Variants in PRELID2 observed in about 807,000 individuals in gnomAD.
PRELID2 encodes the protein PRELI domain containing 2, also known as PRELI domain-containing protein 2.
A neutral mutation model predicts 28.4 loss-of-function variants in PRELID2; 25 were observed. The ratio of observed to expected loss-of-function variants is 0.88; its 90% confidence interval spans 0.64 to 1.23. The LOEUF (loss-of-function observed/expected upper bound fraction) is 1.23, where lower values mean the gene tolerates loss of function less well. PRELID2 is among the 50% of genes most tolerant of loss of function. The pLI is 0.00. For synonymous variants in PRELID2, 76 were observed against 71.6 expected (o/e 1.06, Z -0.31); for missense variants, 201 against 214.4 (o/e 0.94, Z 0.39).
At chr5:145,621,798 G>T (rs1048057294) in intron 1 of PRELID2, among the ~76,000 whole-genome samples, 3 of 152,052 alleles carry the variant, frequency 2.0e-5, no homozygotes, top group African/African-American at 7.2e-5. Context: ...AATATGGTTA[G>T]CAGGAATTTA....
the PRELID2 span, among the ~76,000 whole-genome samples, chr5:145,299,737 T>C: frequency 2.8e-4 from 43 of 151,914 alleles, no homozygotes; most frequent in African/African-American, 9.7e-4. Flanking sequence ...TTATTGATTA[T>C]CAATAGCCAG....
intron 1 of PRELID2, among the ~76,000 whole-genome samples, chr5:145,659,082 G>A (rs1035612670): frequency 1.3e-5 from 2 of 152,170 alleles, no homozygotes; most frequent in Non-Finnish European, 2.9e-5. Flanking sequence ...GACCTAAGAG[G>A]AGGCTGGAGT....
chr5:145,593,810 T>A (rs1237651231), intron 1 of PRELID2, among the ~76,000 whole-genome samples: 1 of 152,158 alleles, frequency 6.6e-6, no homozygotes, highest in African/African-American at 2.4e-5. Context: ...ACTCATTGAT[T>A]AAGAGAGACT....
At chr5:145,752,444 C>T (rs968408889), downstream of PRELID2, among the ~76,000 whole-genome samples, 2 of 152,146 alleles carry the variant, frequency 1.3e-5, no homozygotes, top group African/African-American at 4.8e-5. Flanking sequence ...TTTTTAAGGT[C>T]TTTATGTCCA....
the PRELID2 span, among the ~76,000 whole-genome samples, chr5:145,378,990 ATTAT>A: frequency 4.6e-5 from 7 of 151,368 alleles, no homozygotes; most frequent in African/African-American, 1.7e-4. Context: ...TGAAGTTTGG[ATTAT>A]TTTTCTTTTT....
At chr5:145,825,664 A>C (rs1755147464) in intron 1 of PRELID2, among the ~76,000 whole-genome samples, 1 of 152,226 alleles carries the variant, frequency 6.6e-6, no homozygotes, top group African/African-American at 2.4e-5. Flanking sequence ...CTATCAGAGA[A>C]ATTCTTAAAC....
the PRELID2 span, among the ~76,000 whole-genome samples, chr5:145,297,827 A>ACCAATTTGGCTCTCTTT: frequency 6.6e-6 from 1 of 152,038 alleles, no homozygotes; most frequent in Non-Finnish European, 1.5e-5. Flanking sequence ...CACCAATAAC[A>ACCAATTTGGCTCTCTTT]GACAAACAGA....
At chr5:145,389,636 A>G in the PRELID2 span, among the ~76,000 whole-genome samples, 2 of 152,198 alleles carry the variant, frequency 1.3e-5, no homozygotes, top group Non-Finnish European at 2.9e-5. Context: ...AAATGAATTG[A>G]AATTAAAACT....
At chr5:145,417,257 T>C in the PRELID2 span, among the ~76,000 whole-genome samples, 1 of 152,148 alleles carries the variant, frequency 6.6e-6, no homozygotes, top group African/African-American at 2.4e-5. Context: ...CAGTAATAAA[T>C]AGCCTAGGAA....
chr5:145,454,093 T>A, the PRELID2 span, among the ~76,000 whole-genome samples: 1 of 152,162 alleles, frequency 6.6e-6, no homozygotes. Flanking sequence ...TGTGTAAAAG[T>A]GTTCCTATTT....
At chr5:145,639,792 G>GA (rs908694486) in intron 1 of PRELID2, among the ~76,000 whole-genome samples, 11 of 151,874 alleles carry the variant, frequency 7.2e-5, no homozygotes, top group South Asian at 2.1e-4. Flanking sequence ...GGTACAGAAA[G>GA]AAAAAAAGAT....
At chr5:145,442,177 A>G in the PRELID2 span, among the ~76,000 whole-genome samples, 2 of 152,122 alleles carry the variant, frequency 1.3e-5, no homozygotes, top group Non-Finnish European at 2.9e-5. Context: ...CATTTTATAC[A>G]ATCCTGAACT....
At chr5:145,727,703 A>T (rs1271506588) in intron 1 of PRELID2, among the ~76,000 whole-genome samples, 1 of 152,190 alleles carries the variant, frequency 6.6e-6, no homozygotes, top group Non-Finnish European at 1.5e-5. Flanking sequence ...TTGGAACGGG[A>T]TAAGAGTTTT....
intron 1 of PRELID2, among the ~76,000 whole-genome samples, chr5:145,564,795 C>T (rs1005709037): frequency 5.3e-5 from 8 of 152,156 alleles, no homozygotes; most frequent in African/African-American, 1.9e-4. Context: ...AACTTGAGCT[C>T]ACAGCCTTTC....
intron 1 of PRELID2, among the ~76,000 whole-genome samples, chr5:145,645,014 G>A (rs987504535): frequency 6.6e-6 from 1 of 152,178 alleles, no homozygotes. Flanking sequence ...GAAGAGTTCT[G>A]TAGATGTCTA....
chr5:145,294,956 A>G, the PRELID2 span, among the ~76,000 whole-genome samples: 1 of 152,130 alleles, frequency 6.6e-6, no homozygotes, highest in Admixed American at 6.6e-5. Context: ...ATTCTGTGAG[A>G]GCAAAAAACA....
chr5:145,742,662 A>T (rs1417791618), intron 1 of PRELID2, among the ~76,000 whole-genome samples: 1 of 151,174 alleles, frequency 6.6e-6, no homozygotes, highest in East Asian at 2.0e-4. Context: ...AAGTCTCAAA[A>T]CAATAATCTA....
At chr5:145,447,516 A>T in the PRELID2 span, among the ~76,000 whole-genome samples, 1 of 133,518 alleles carries the variant, frequency 7.5e-6, no homozygotes, top group East Asian at 2.1e-4. Context: ...ACATGTGCAT[A>T]TTGTGCAGGT....
chr5:145,790,789 T>C (rs1241653299), intron 5 of PRELID2, among the ~76,000 whole-genome samples: 1 of 146,790 alleles, frequency 6.8e-6, no homozygotes, highest in Non-Finnish European at 1.5e-5. Flanking sequence ...CAATTATAAT[T>C]TGTCAATTAA....
Sources: allele counts gnomAD v4.1 joint callset (sites outside exome capture counted in the v4.1 genomes callset), GRCh38; gene constraint gnomAD v4.1.1; transcripts MANE v1.5; gene names NCBI Gene and HGNC (gene_info 2026-07-23, HGNC 2026-07-21).